Variants in PBX3 observed in about 807,000 individuals in gnomAD.
PBX3 encodes pre-B-cell leukemia transcription factor 3.
Under a neutral mutation model 48.5 loss-of-function variants are expected in PBX3, and 14 were observed. The ratio of observed to expected loss-of-function variants is 0.29; its 90% CI spans 0.19 to 0.45. The LOEUF is 0.45. PBX3 is among the 20% of genes least tolerant of loss of function. PBX3 has a pLI of 1.00. For missense variants in PBX3, 386 were observed against 546.7 expected, an observed-to-expected ratio of 0.71 and a Z score of 2.93; for synonymous variants, 210 against 200.3, an observed-to-expected ratio of 1.05 and a Z score of -0.41.
intron 2 of PBX3, among the ~76,000 whole-genome samples, chr9:125,874,998 G>A (rs1840214920): frequency 6.6e-6 from 1 of 152,238 alleles, no homozygotes; most frequent in South Asian, 2.1e-4. Context: ...GTTGAATACT[G>A]CACAGTCATG....
intron 2 of PBX3, among the ~76,000 whole-genome samples, chr9:125,814,936 C>T (rs1009516703): frequency 6.6e-6 from 1 of 152,194 alleles, no homozygotes; most frequent in African/African-American, 2.4e-5. Context: ...TGCCATTCTT[C>T]AGCCTGAAGG....
At chr9:125,938,813 G>T (rs959187576) in intron 5 of PBX3, among the ~76,000 whole-genome samples, 1 of 152,118 alleles carries the variant, frequency 6.6e-6, no homozygotes, top group Non-Finnish European at 1.5e-5. Flanking sequence ...AGATATTATT[G>T]GGTTAAATTT....
intron 2 of PBX3, among the ~76,000 whole-genome samples, chr9:125,757,516 G>T (rs12352471): frequency 6.6e-6 from 1 of 152,104 alleles, no homozygotes; most frequent in Non-Finnish European, 1.5e-5. Flanking sequence ...TCCATTAAAA[G>T]ATATGTGTGT....
chr9:125,958,625 T>C (rs553186792), intron 5 of PBX3, among the ~76,000 whole-genome samples: 1 of 152,222 alleles, frequency 6.6e-6, no homozygotes, highest in South Asian at 2.1e-4. Flanking sequence ...TCTCTGGAGA[T>C]GGAGAGATCA....
intron 2 of PBX3, among the ~76,000 whole-genome samples, chr9:125,881,736 T>C (rs748846979): frequency 2.6e-4 from 40 of 152,102 alleles, no homozygotes; most frequent in Non-Finnish European, 4.7e-4. Context: ...TGCTCCTGTC[T>C]TGGCCTCCCA....
At chr9:125,829,531 A>G (rs374907695) in intron 2 of PBX3, among the ~76,000 whole-genome samples, 1 of 152,194 alleles carries the variant, frequency 6.6e-6, no homozygotes, top group Non-Finnish European at 1.5e-5. Flanking sequence ...ACTTTTGTAC[A>G]TACGTAAGTT....
At chr9:125,951,300 A>G (rs1005288751) in intron 5 of PBX3, among the ~76,000 whole-genome samples, 2 of 152,186 alleles carry the variant, frequency 1.3e-5, no homozygotes, top group East Asian at 1.9e-4. Context: ...GTGCAGAACA[A>G]TAGCCCAGCA....
At chr9:125,811,292 A>G (rs1395320135) in intron 2 of PBX3, among the ~76,000 whole-genome samples, 1 of 152,204 alleles carries the variant, frequency 6.6e-6, no homozygotes, top group African/African-American at 2.4e-5. Context: ...TGTTTCTCAT[A>G]GTTCTGAAGG....
chr9:125,860,665 C>A lies in PBX3; in HGVS notation c.275-55021C>A, dbSNP rs542755644. Among the ~76,000 whole-genome samples the A allele has an allele frequency of 1.7e-4, 26 of 151,458 alleles. No homozygotes were observed. The South Asian group carries it at 5.4e-3, about 32-fold the overall frequency. On this transcript the variant is annotated intron_variant, in intron 2 of 8. Transcript: ENST00000373489. ...CAGCACTTTGAGAGGCTGAGGCAGG[C>A]AGATCACCTGAGGTTAGGAGTTCAA...
At chr9:125,826,957 C>G (rs1207640039) in intron 2 of PBX3, among the ~76,000 whole-genome samples, 2 of 152,176 alleles carry the variant, frequency 1.3e-5, no homozygotes, top group Admixed American at 6.5e-5. Flanking sequence ...ACCCTGCTAT[C>G]AAACATTAGA....
intron 2 of PBX3, among the ~76,000 whole-genome samples, chr9:125,797,015 C>A (rs777680596): frequency 1.3e-5 from 2 of 152,000 alleles, no homozygotes; most frequent in African/African-American, 2.4e-5. Flanking sequence ...CCCAATAATT[C>A]TTGGTTGAAA....
intron 2 of PBX3, among the ~76,000 whole-genome samples, chr9:125,780,414 T>C (rs1588139021): frequency 2.3e-5 from 1 of 44,170 alleles, no homozygotes; most frequent in Non-Finnish European, 3.8e-5. Context: ...GGCGGGGGGC[T>C]GACCCCCCCC....
At chr9:125,820,212 T>G (rs1838609633) in intron 2 of PBX3, among the ~76,000 whole-genome samples, 1 of 152,222 alleles carries the variant, frequency 6.6e-6, no homozygotes, top group Non-Finnish European at 1.5e-5. Flanking sequence ...CTCTGAATTT[T>G]GACTTACTGG....
intron 2 of PBX3, among the ~76,000 whole-genome samples, chr9:125,859,206 C>G (rs138103932): frequency 7.2e-5 from 11 of 152,276 alleles, no homozygotes; most frequent in African/African-American, 2.6e-4. Context: ...TTAAATGTCA[C>G]CTCTTTGAAA....
At chr9:125,782,248 C>T (rs892627718) in intron 2 of PBX3, among the ~76,000 whole-genome samples, 1 of 152,138 alleles carries the variant, frequency 6.6e-6, no homozygotes, top group African/African-American at 2.4e-5. Flanking sequence ...AGGGAAACTC[C>T]TCTTTTTCAA....
At chr9:125,837,844 C>T (rs2132218682) in intron 2 of PBX3, among the ~76,000 whole-genome samples, 1 of 152,266 alleles carries the variant, frequency 6.6e-6, no homozygotes, top group Non-Finnish European at 1.5e-5. Context: ...CCCACTTCGG[C>T]CTTCCAAAGT....
chr9:125,796,674 C>G (rs1370903519), intron 2 of PBX3, among the ~76,000 whole-genome samples: 1 of 152,078 alleles, frequency 6.6e-6, no homozygotes, highest in African/African-American at 2.4e-5. Flanking sequence ...CCATCCACTC[C>G]AAGGAGATTT....
At chr9:125,958,553 A>G (rs909380485) in intron 5 of PBX3, among the ~76,000 whole-genome samples, 1 of 152,218 alleles carries the variant, frequency 6.6e-6, no homozygotes, top group African/African-American at 2.4e-5. Flanking sequence ...AAAGAGAACT[A>G]TATACCCATT....
At chr9:125,865,038 G>T (rs1036522814) in intron 2 of PBX3, among the ~76,000 whole-genome samples, 1 of 152,150 alleles carries the variant, frequency 6.6e-6, no homozygotes, top group Non-Finnish European at 1.5e-5. Flanking sequence ...CATTTATTGT[G>T]CCTGGCGCTG....
Sources: allele counts gnomAD v4.1 joint callset (sites outside exome capture counted in the v4.1 genomes callset), GRCh38; gene constraint gnomAD v4.1.1; transcripts MANE v1.5; gene names NCBI Gene and HGNC (gene_info 2026-07-23, HGNC 2026-07-21).